CEP89: variants seen among roughly 807,000 people sequenced by gnomAD.
CEP89 encodes the protein centrosomal protein of 89 kDa.
Under a neutral mutation model 97.6 loss-of-function variants are expected in CEP89, and 95 were observed. The ratio of observed to expected loss-of-function variants is 0.97; its 90% CI spans 0.82 to 1.15. The LOEUF (loss-of-function observed/expected upper bound fraction) is 1.15. Among genes scored for constraint, CEP89 ranks in the 50% most tolerant of loss-of-function variants. The pLI, the probability that CEP89 is intolerant of heterozygous loss-of-function variation, is 0.00. For missense variants in CEP89, 869 were observed against 947.7 expected, an observed-to-expected ratio of 0.92 and a Z score of 1.09; for synonymous variants, 354 against 349.1, an observed-to-expected ratio of 1.01 and a Z score of -0.16.
At chr19:32,934,902 C>T (rs1970548884) in intron 7 of CEP89, among the ~76,000 whole-genome samples, 1 of 152,126 alleles carries the variant, frequency 6.6e-6, no homozygotes. Flanking sequence ...TGCTTGAGGC[C>T]AGGAGTTCGA....
intron 14 of CEP89, among the ~76,000 whole-genome samples, chr19:32,902,345 C>G (rs116789665): frequency 6.6e-6 from 1 of 152,054 alleles, no homozygotes; most frequent in Non-Finnish European, 1.5e-5. Context: ...TCAACTGTAA[C>G]TGTAAAACAT....
rs952086955 is a variant in CEP89, at chr19:32,934,537, C to T, written c.668-868G>A. Among the ~76,000 whole-genome samples the T allele has an allele frequency of 6.0e-4, 92 of 152,128 alleles. 3 individuals carry two copies. The highest frequency in any genetic ancestry group is 2.1e-4 in the South Asian group (1 of 4,822). On this transcript the variant is annotated intron_variant, in intron 7 of 18. Coordinates refer to ENST00000305768, the MANE Select transcript of CEP89 (RefSeq NM_032816.5). ...GGCGGAAGCAGAGCTTCCACACAGA[C>T]GAGGGCAGGATGGCTGGTGGCTCCA...
chr19:32,909,089 G>A (rs1021263223), intron 14 of CEP89, among the ~76,000 whole-genome samples: 1 of 152,168 alleles, frequency 6.6e-6, no homozygotes, highest in Non-Finnish European at 1.5e-5. Context: ...TTGGACTGGC[G>A]GTCACATGTG....
At chr19:32,958,822 G>A (rs1971104457) in intron 3 of CEP89, among the ~76,000 whole-genome samples, 1 of 152,010 alleles carries the variant, frequency 6.6e-6, no homozygotes, top group South Asian at 2.1e-4. Context: ...TTCAAGACCA[G>A]CCTGACCAAC....
intron 17 of CEP89, among the ~76,000 whole-genome samples, chr19:32,885,357 G>A (rs1244307521): frequency 6.6e-6 from 1 of 152,234 alleles, no homozygotes; most frequent in East Asian, 1.9e-4. Context: ...GTCTTGCTCT[G>A]TTGCCCAGGC....
chr19:32,959,095 C>T (rs1971112459), intron 3 of CEP89, among the ~76,000 whole-genome samples: 1 of 151,972 alleles, frequency 6.6e-6, no homozygotes, highest in African/African-American at 2.4e-5. Flanking sequence ...TACTCCCATC[C>T]CTGCCCCATG....
intron 9 of CEP89, among the ~76,000 whole-genome samples, chr19:32,929,323 C>G (rs376511290): frequency 6.6e-6 from 1 of 151,982 alleles, no homozygotes; most frequent in South Asian, 2.1e-4. Context: ...GAGAGAGGGC[C>G]GGGCATGGTG....
rs1293353502 is a variant in CEP89 at position 32,966,416 on chromosome 19, T to C, written c.90A>G (p.Ala30=). Residue 30 remains alanine, a synonymous_variant, in exon 2 of 19, where the codon GCA becomes GCG. Transcript: ENST00000305768. ...GGGGAGGAGGTGTGCGTGGCACAGC[T>C]GCCTTCGGAGCAACGCTGGCTGCAG... ...LLPAASVAPK[A]AVPRTPPPRS... is the part of the protein sequence containing the mutation. 2.6e-6 allele frequency: 4 copies of C among 1,565,940 alleles called. No individual in the cohort carries two copies. The highest frequency in any genetic ancestry group is 2.4e-5 in the South Asian group (2 of 84,636).
chr19:32,921,617 A>G (rs1009037371), intron 12 of CEP89, among the ~76,000 whole-genome samples: 2 of 152,194 alleles, frequency 1.3e-5, no homozygotes, highest in Non-Finnish European at 2.9e-5. Flanking sequence ...GACAAGTTGG[A>G]TTTGTGGCTG....
In CEP89 at chr19:32,934,045, G is replaced by A. The variant is rs529427153; in HGVS notation, c.668-376C>T. 2.4e-4 allele frequency among the ~76,000 whole-genome samples: 36 copies of A among 152,354 alleles called. 2 individuals are homozygous for A. In the South Asian group the frequency reaches 6.0e-3, roughly 25 times the overall value. ...AGCAGGGAAGAAGGCAGGTTAGAATGAGGCCTAGCCCAACAGCTGAGGGGC... is the reference window on the plus strand; with the variant it reads ...AGCAGGGAAGAAGGCAGGTTAGAATAAGGCCTAGCCCAACAGCTGAGGGGC... On this transcript the variant is annotated intron_variant, in intron 7 of 18. Transcript: ENST00000305768.
chr19:32,910,896 A>G (rs1969987459), intron 14 of CEP89, among the ~76,000 whole-genome samples: 1 of 152,232 alleles, frequency 6.6e-6, no homozygotes, highest in Non-Finnish European at 1.5e-5. Flanking sequence ...CCTGTTTTAC[A>G]GTTAACTTTA....
At chr19:32,956,940 T>C (rs1971062389) in intron 3 of CEP89, among the ~76,000 whole-genome samples, 1 of 152,220 alleles carries the variant, frequency 6.6e-6, no homozygotes, top group African/African-American at 2.4e-5. Flanking sequence ...TCATTAGGAA[T>C]TTATTTTAGT....
intron 17 of CEP89, among the ~76,000 whole-genome samples, chr19:32,885,522 A>G (rs1969376274): frequency 6.6e-6 from 1 of 152,008 alleles, no homozygotes; most frequent in Non-Finnish European, 1.5e-5. Context: ...GGGTCTCCCT[A>G]TGTTGCCCAG....
chr19:32,946,034 C>A (rs544250706), intron 5 of CEP89, among the ~76,000 whole-genome samples: 4 of 152,334 alleles, frequency 2.6e-5, no homozygotes, highest in Admixed American at 6.5e-5. Flanking sequence ...GGCTGCTCCC[C>A]TGAGCTGCTA....
In CEP89 at chr19:32,933,607, T is replaced by G; in HGVS notation, c.730A>C (p.Lys244Gln). ...TTGTTTAGGTCCATATTTTCTTCTT[T>G]TAATGCCTCAAACTTTTCTCTGGTT... ...EITREKFEAL[K>Q]EENMDLNNMN... Residue 244 changes from lysine to glutamine, a missense_variant, in exon 8 of 19, where the codon AAA becomes CAA. Transcript: ENST00000305768. 2 of 1,613,748 alleles carry G rather than the reference T, an allele frequency of 1.2e-6. No homozygotes were observed. The highest frequency in any genetic ancestry group is 2.2e-5 in the East Asian group (1 of 44,862).
At chr19:32,958,593 C>T (rs7257626) in intron 3 of CEP89, among the ~76,000 whole-genome samples, 56,256 of 151,576 alleles carry the variant, frequency 0.37, 10,582 homozygotes, top group Admixed American at 0.48. Context: ...GCAGGAGAAT[C>T]GCTTGAATCC....
chr19:32,956,038 C>A (rs116825698), intron 3 of CEP89, among the ~76,000 whole-genome samples: 340 of 143,946 alleles, frequency 2.4e-3, no homozygotes, highest in African/African-American at 8.6e-3. Flanking sequence ...TATGTCCATT[C>A]CAATTTGGTT....
chr19:32,956,518 C>T (rs1971052530), intron 3 of CEP89, among the ~76,000 whole-genome samples: 1 of 151,850 alleles, frequency 6.6e-6, no homozygotes, highest in South Asian at 2.1e-4. Flanking sequence ...GTGAGCAACA[C>T]CATGCCAGGA....
In CEP89 at chr19:32,923,522, C is replaced by T; in HGVS notation, c.1185G>A (p.Arg395=). ...CTTTCACCACTTCTTGGACTCGCAT[C>T]CTAAACATTCTCATTTCCTCCTGAA... is the stretch of plus-strand genomic sequence containing the variant. ...ATLKEEMRMF[R]MRVQEVVKEN... Residue 395 remains arginine (R), a synonymous_variant, in exon 12 of 19, where the codon AGG becomes AGA. Transcript: ENST00000305768. The T allele has an allele frequency of 6.3e-7, 1 of 1,598,860 alleles. No individual in the cohort carries two copies. Among genetic ancestry groups the T allele is most frequent in the Non-Finnish European group, 8.6e-7 (1 of 1,166,674 alleles).
Sources: allele counts gnomAD v4.1 joint callset (sites outside exome capture counted in the v4.1 genomes callset), GRCh38; gene constraint gnomAD v4.1.1; transcripts MANE v1.5; gene names NCBI Gene and HGNC (gene_info 2026-07-23, HGNC 2026-07-21).